Variants in SKOR1 observed in about 807,000 individuals in gnomAD.
The protein encoded by SKOR1 is LBX1 corepressor 1.
SKOR1 carries 38 observed loss-of-function variants against 72.4 expected under a neutral mutation model. The observed-to-expected ratio is 0.52, with a 90% CI of 0.40 to 0.69. The LOEUF (loss-of-function observed/expected upper bound fraction) is 0.69. Among genes scored for constraint, SKOR1 ranks in the 30% least tolerant of loss-of-function variants. The probability of loss-of-function intolerance (pLI) is 0.00; values close to 1 mark genes in which losing one functional copy is unlikely to be tolerated. For synonymous variants in SKOR1, 642 were observed against 599.4 expected (o/e 1.07, Z -1.04); for missense variants, 1,320 against 1,343.2 (o/e 0.98, Z 0.27).
At chr15:67,828,947 T>C (rs759816198) in intron 2 of SKOR1, among the ~76,000 whole-genome samples, 3 of 152,210 alleles carry the variant, frequency 2.0e-5, no homozygotes, top group Non-Finnish European at 4.4e-5. Context: ...GCCCCTCGGC[T>C]TGGGAGCCGC....
chr15:67,828,998 C>A (rs1326183755), intron 2 of SKOR1, among the ~76,000 whole-genome samples, 181 bp from the exon 3 acceptor site: 2 of 152,074 alleles, frequency 1.3e-5, no homozygotes, highest in Non-Finnish European at 2.9e-5. Context: ...CTAACAATTA[C>A]CCTGAATCTA....
chr15:67,830,855 T>C lies in SKOR1; in HGVS notation c.2553T>C (p.His851=). 1 of 1,614,090 alleles carries C rather than the reference T, an allele frequency of 6.2e-7. No homozygotes were observed. ...TTACCTTGGATGTCACAGGAACTCA[T>C]TTGGTGGAGAAAGATATCGAGAACC... is the stretch of plus-strand genomic sequence containing the variant. ...DGLTLDVTGT[H]LVEKDIENLA... The change falls in exon 5 of 9, where the codon CAT becomes CAC. Residue 851 remains histidine (H), a synonymous_variant. Transcript: ENST00000380035.
chr15:67,825,832 G>A lies in SKOR1; in HGVS notation c.108-104G>A, dbSNP rs2090954076. 5.9e-6 allele frequency: 9 copies of A among 1,518,874 alleles called. No homozygotes were observed. Among genetic ancestry groups the A allele is most frequent in the South Asian group, 1.3e-5 (1 of 77,274 alleles). 94.1% of individuals were successfully genotyped at this position (1,518,874 alleles called of 1,614,324 possible). On this transcript the variant is annotated intron_variant, in intron 1 of 8. Transcript: ENST00000380035. This position sits in a 1 kb window ranked among gnomAD's most constrained non-coding sequence, Gnocchi z 5.6. Reference sequence around the variant, plus strand: ...ATGAGTTTGGACTCCCCACTGCCAAGTATCCCCCGCGCGCCCAACTCGGAG... The same window carrying A: ...ATGAGTTTGGACTCCCCACTGCCAAATATCCCCCGCGCGCCCAACTCGGAG...
In SKOR1 at chr15:67,833,799, C is replaced by G; in HGVS notation, c.2861C>G (p.Thr954Ser). 2.5e-6 allele frequency: 4 copies of G among 1,612,742 alleles called. No individual in the cohort carries two copies. The highest frequency in any genetic ancestry group is 3.4e-6 in the Non-Finnish European group (4 of 1,180,036). The change falls in exon 9 of 9, where the codon ACT becomes AGT. Residue 954 changes from threonine (T) to serine (S), a missense_variant. Around this residue, in one of 3 missense-constraint regions of SKOR1, gnomAD observed 1,099 missense variants for 1,025.5 expected, o/e 1.07. Coordinates refer to ENST00000380035, the MANE Select transcript of SKOR1 (RefSeq NM_001365915.1). This position sits in a 1 kb window ranked among gnomAD's most constrained non-coding sequence, Gnocchi z 6.0. ...AAGATGCTGACGCCCCGCCACTGCA[C>G]TGGCAACTGCTCCTTCAAGCCACCG... is the stretch of plus-strand genomic sequence containing the variant. ...SCKMLTPRHCTGNCSFKPPLL... is the reference protein window; with the variant it reads ...SCKMLTPRHCSGNCSFKPPLL...
chr15:67,827,284 C>T lies in SKOR1; in HGVS notation c.1456C>T (p.Pro486Ser). 1 of 1,586,440 alleles carries T rather than the reference C, an allele frequency of 6.3e-7. No homozygotes were observed. The highest frequency in any genetic ancestry group is 8.5e-7 in the Non-Finnish European group (1 of 1,174,164). The change falls in exon 2 of 9, where the codon CCG (proline) becomes TCG (serine). Residue 486 changes from proline to serine, a missense_variant. This residue lies in a region of SKOR1 where 1,099 missense variants were observed against 1,025.5 expected (regional missense o/e 1.07). Transcript: ENST00000380035. ...AGCGGCCGCCGCCGCCACTGTGTACCCGACGTTTCCCATGTTCTGGCCAGC... is the reference window on the plus strand; with the variant it reads ...AGCGGCCGCCGCCGCCACTGTGTACTCGACGTTTCCCATGTTCTGGCCAGC... The part of the protein sequence containing the change: ...AAAAAAATVY[P>S]TFPMFWPAAG...
rs763647181 is a variant in SKOR1, at chr15:67,825,684, T to C, written c.82T>C (p.Phe28Leu). 4 of 734,334 alleles carry C rather than the reference T, an allele frequency of 5.4e-6. No individual in the cohort carries two copies. The highest frequency in any genetic ancestry group is 1.0e-5 in the Non-Finnish European group (4 of 399,698). 45.5% of individuals were successfully genotyped at this position (734,334 alleles called of 1,614,324 possible). ...TTCCCAATCCGAAAACGGGATTGGG[T>C]TCCTTGCAGCCCGGGCATTCCTGAG... is the stretch of plus-strand genomic sequence containing the variant. ...LPSQSENGIG[F>L]LAARAFLRSG... The change falls in exon 1 of 9, where the codon TTC (phenylalanine) becomes CTC (leucine). Residue 28 changes from phenylalanine to leucine, a missense_variant. Coordinates refer to ENST00000380035, the MANE Select transcript of SKOR1 (RefSeq NM_001365915.1). This position sits in a 1 kb window ranked among gnomAD's most constrained non-coding sequence, Gnocchi z 5.6.
In SKOR1 at chr15:67,826,389, C is replaced by A. The variant is rs777090430; in HGVS notation, c.561C>A (p.Cys187Ter). Residue 187 changes from cysteine (C) to a stop codon, truncating the protein, a stop_gained, in exon 2 of 9, where the codon TGC becomes TGA. Transcript: ENST00000380035. LOFTEE classifies it high-confidence loss of function. ...ENFAFDVVHE[C>*]AWGSRGSFIP... ...TCGCCTTCGATGTGGTGCACGAGTG[C>A]GCGTGGGGCTCGCGTGGTAGCTTCA... 1.2e-6 allele frequency: 2 copies of A among 1,613,898 alleles called. No individual in the cohort carries two copies. Among genetic ancestry groups the A allele is most frequent in the South Asian group, 1.1e-5 (1 of 91,090 alleles).
chr15:67,828,060 A>T lies in SKOR1; in HGVS notation c.2232A>T (p.Arg744Ser), dbSNP rs1391647288. Reference sequence around the variant, plus strand: ...TGGCAGCCGAAGACTTGGTGCGGAGACCTGAGAGGAGCCCGCCAAGCGGCG... The same window carrying T: ...TGGCAGCCGAAGACTTGGTGCGGAGTCCTGAGAGGAGCCCGCCAAGCGGCG... The part of the protein sequence containing the change: ...GDLAAEDLVR[R>S]PERSPPSGGG... The change falls in exon 2 of 9, where the codon AGA becomes AGT. Residue 744 changes from arginine to serine, a missense_variant. Around this residue, in one of 3 missense-constraint regions of SKOR1, gnomAD observed 1,099 missense variants for 1,025.5 expected, o/e 1.07. Coordinates refer to ENST00000380035, the MANE Select transcript of SKOR1 (RefSeq NM_001365915.1). 3.9e-6 allele frequency: 6 copies of T among 1,532,404 alleles called. No homozygotes were observed. The highest frequency in any genetic ancestry group is 4.4e-6 in the Non-Finnish European group (5 of 1,143,042). 94.9% of individuals were successfully genotyped at this position (1,532,404 alleles called of 1,614,324 possible). A position where few individuals can be genotyped will look rare whatever the true frequency, so the allele number is the denominator to read the frequency against.
Position 67,832,426 on chromosome 15 carries a change from G to C in SKOR1, c.2662+78G>C. 6.6e-7 allele frequency: 1 copy of C among 1,522,516 alleles called. No homozygotes were observed. Among genetic ancestry groups the C allele is most frequent in the Admixed American group, 1.7e-5 (1 of 58,580 alleles). 94.3% of individuals were successfully genotyped at this position (1,522,516 alleles called of 1,614,324 possible). ...GGTGCCCCGACCTACTCCGAAAGCC[G>C]GGTGCCAGGCAACTGGTACTAGGTG... On this transcript the variant is annotated intron_variant, in intron 6 of 8. Coordinates refer to ENST00000380035, the MANE Select transcript of SKOR1 (RefSeq NM_001365915.1). The surrounding 1 kb of genome is among the most constrained non-coding windows in gnomAD (Gnocchi z 4.5).
At position 67,825,516 on chromosome 15, in the gene SKOR1, G is replaced by A; in HGVS notation, c.-87G>A. On this transcript the variant is annotated 5_prime_UTR_variant, in exon 1 of 9. Coordinates refer to ENST00000380035, the MANE Select transcript of SKOR1 (RefSeq NM_001365915.1). The surrounding 1 kb of genome is among the most constrained non-coding windows in gnomAD (Gnocchi z 5.6). ...GAGGGGCGGCCGATCCCCGAAGTCC[G>A]GGCTTCAGGACCCGGGCCGGCAGCA... is the stretch of plus-strand genomic sequence containing the variant. 1 of 473,596 alleles carries A rather than the reference G, an allele frequency of 2.1e-6. No individual in the cohort carries two copies. Among genetic ancestry groups the A allele is most frequent in the Non-Finnish European group, 4.3e-6 (1 of 233,322 alleles). 29.3% of individuals were successfully genotyped at this position (473,596 alleles called of 1,614,324 possible).
At chr15:67,828,639 C>G (rs1308865968) in intron 2 of SKOR1, among the ~76,000 whole-genome samples, 1 of 152,134 alleles carries the variant, frequency 6.6e-6, no homozygotes, top group African/African-American at 2.4e-5. Context: ...TTCCGAGTCT[C>G]TTCGCACTCC....
At chr15:67,828,671 C>A (rs1394394918) in intron 2 of SKOR1, among the ~76,000 whole-genome samples, 1 of 152,090 alleles carries the variant, frequency 6.6e-6, no homozygotes, top group Non-Finnish European at 1.5e-5. Context: ...CCACAGGGTT[C>A]GTTGCTGGGA....
intron 3 of SKOR1, 51 bp downstream of exon 3, chr15:67,829,320 A>G: frequency 6.9e-7 from 1 of 1,449,698 alleles, no homozygotes; most frequent in South Asian, 1.2e-5. Context: ...CCGCAGACAG[A>G]GGGCCGGGGT....
intron 2 of SKOR1, among the ~76,000 whole-genome samples, chr15:67,828,363 G>T (rs948989116): frequency 1.8e-4 from 28 of 152,372 alleles, no homozygotes; most frequent in Admixed American, 1.7e-3. Flanking sequence ...TGGGGGCGGC[G>T]GGAGGACTGG....
At position 67,832,193 on chromosome 15, in the gene SKOR1, G is replaced by T. The variant is rs1042693781; in HGVS notation, c.2588-81G>T. On this transcript the variant is annotated intron_variant, in intron 5 of 8. Coordinates refer to ENST00000380035, the MANE Select transcript of SKOR1 (RefSeq NM_001365915.1). This position sits in a 1 kb window ranked among gnomAD's most constrained non-coding sequence, Gnocchi z 4.5. ...CATCCTTCTCAACTCTCCTTTCAGG[G>T]TTGTTGGCCAAGGCAGAACCTGAGC... 7.6e-7 allele frequency: 1 copy of T among 1,318,222 alleles called. No homozygotes were observed. The highest frequency in any genetic ancestry group is 2.3e-5 in the East Asian group (1 of 43,650). The allele number at this position is 1,318,222 out of a possible 1,614,324, so 81.7% of individuals were successfully genotyped here. A position where few individuals can be genotyped will look rare whatever the true frequency, so the allele number is the denominator to read the frequency against.
Position 67,827,408 on chromosome 15 carries a change from C to G in SKOR1, c.1580C>G (p.Ala527Gly), listed in dbSNP as rs1168631613. Reference protein sequence around the residue: ...VAAAAAAAAAAAGSGAPEPLD... With the variant: ...VAAAAAAAAAGAGSGAPEPLD... Reference sequence around the variant, plus strand: ...GCGGCAGCGGCGGCGGCAGCGGCAGCTGCTGGCAGCGGTGCCCCAGAGCCC... The same window carrying G: ...GCGGCAGCGGCGGCGGCAGCGGCAGGTGCTGGCAGCGGTGCCCCAGAGCCC... Residue 527 changes from alanine to glycine, a missense_variant, in exon 2 of 9, where the codon GCT becomes GGT. Physicochemically the swap from Ala to Gly is moderately conservative, Grantham distance 60. Coordinates refer to ENST00000380035, the MANE Select transcript of SKOR1 (RefSeq NM_001365915.1). 3.3e-6 allele frequency: 5 copies of G among 1,527,104 alleles called. No individual in the cohort carries two copies. In the African/African-American group the frequency reaches 5.6e-5, roughly 17 times the overall value. 94.6% of individuals were successfully genotyped at this position (1,527,104 alleles called of 1,614,324 possible).
chr15:67,825,679 T>C lies in SKOR1; in HGVS notation c.77T>C (p.Ile26Thr). The change falls in exon 1 of 9, where the codon ATT (isoleucine) becomes ACT (threonine). Residue 26 changes from isoleucine to threonine, a missense_variant. Physicochemically the swap from Ile to Thr is moderately conservative, Grantham distance 89. Around this residue, in one of 3 missense-constraint regions of SKOR1, gnomAD observed 120 missense variants for 104.9 expected, o/e 1.14. Transcript: ENST00000380035. The surrounding 1 kb of genome is among the most constrained non-coding windows in gnomAD (Gnocchi z 5.6). ...VSLPSQSENG[I>T]GFLAARAFLR... ...CTTCCTTCCCAATCCGAAAACGGGA[T>C]TGGGTTCCTTGCAGCCCGGGCATTC... 1 of 729,446 alleles carries C rather than the reference T, an allele frequency of 1.4e-6. No individual in the cohort carries two copies. Among genetic ancestry groups the C allele is most frequent in the Non-Finnish European group, 2.5e-6 (1 of 395,052 alleles). The allele number at this position is 729,446 out of a possible 1,614,324, so 45.2% of individuals were successfully genotyped here.
chr15:67,833,049 G>A lies in SKOR1; in HGVS notation c.2738-143G>A, dbSNP rs2091020529. On this transcript the variant is annotated intron_variant, in intron 7 of 8. Coordinates refer to ENST00000380035, the MANE Select transcript of SKOR1 (RefSeq NM_001365915.1). The surrounding 1 kb of genome is among the most constrained non-coding windows in gnomAD (Gnocchi z 6.0). ...CCTTCCTCCGCCAGTCTGCAGTTAG[G>A]AGCTCCGGTACCCCCTCCCCCATCC... 1.2e-6 allele frequency: 1 copy of A among 807,358 alleles called. No individual in the cohort carries two copies. Among genetic ancestry groups the A allele is most frequent in the Admixed American group, 2.2e-5 (1 of 46,440 alleles). The allele number at this position is 807,358 out of a possible 1,614,324, so 50.0% of individuals were successfully genotyped here.
chr15:67,828,061 C>G lies in SKOR1; in HGVS notation c.2233C>G (p.Pro745Ala). The part of the protein sequence containing the change: ...DLAAEDLVRR[P>A]ERSPPSGGGG... ...GGCAGCCGAAGACTTGGTGCGGAGA[C>G]CTGAGAGGAGCCCGCCAAGCGGCGG... The change falls in exon 2 of 9, where the codon CCT (proline) becomes GCT (alanine). Residue 745 changes from proline to alanine, a missense_variant. Physicochemically the swap from Pro to Ala is conservative, Grantham distance 27. Coordinates refer to ENST00000380035, the MANE Select transcript of SKOR1 (RefSeq NM_001365915.1). The G allele has an allele frequency of 6.5e-7, 1 of 1,533,012 alleles. No individual in the cohort carries two copies. Among genetic ancestry groups the G allele is most frequent in the Non-Finnish European group, 8.7e-7 (1 of 1,143,226 alleles). The allele number at this position is 1,533,012 out of a possible 1,614,324, so 95.0% of individuals were successfully genotyped here.
Sources: gnomAD v4.1 joint callset for allele counts (sites outside exome capture counted in the v4.1 genomes callset) on GRCh38, gnomAD v4.1.1 for gene constraint, gnomAD v4.1.1 regional missense constraint, Gnocchi (gnomAD v3.1) non-coding constraint, MANE v1.5 for transcripts, NCBI Gene and HGNC (gene_info 2026-07-23, HGNC 2026-07-21) for gene names.